Variants in MGAT4B observed in about 807,000 individuals in gnomAD.
The protein encoded by MGAT4B is N-acetylglucosaminyltransferase IVb.
A neutral mutation model predicts 73.9 loss-of-function variants in MGAT4B; 38 were observed. That is an observed-to-expected ratio of 0.51 (90% CI 0.40 to 0.67). The LOEUF is 0.67. Ranked by LOEUF, MGAT4B falls within the 30% of genes least tolerant of loss-of-function variation. The pLI is 0.00. For synonymous variants in MGAT4B, 373 were observed against 313.5 expected, an observed-to-expected ratio of 1.19 and a Z score of -2.01; for missense variants, 686 against 735.2, an observed-to-expected ratio of 0.93 and a Z score of 0.77.
Position 179,800,472 on chromosome 5 carries a change from A to G in MGAT4B, c.719+12T>C. On this transcript the variant is annotated intron_variant, in intron 6 of 14. Coordinates refer to ENST00000292591, the MANE Select transcript of MGAT4B (RefSeq NM_014275.5). ...AGGCGGGTTGCTGAGGGTATGGGGG[A>G]GTAACTAGTACCTGACTCTCTCCTT... 6.4e-7 allele frequency: 1 copy of G among 1,563,466 alleles called. No homozygotes were observed. Among genetic ancestry groups the G allele is most frequent in the South Asian group, 1.1e-5 (1 of 88,580 alleles).
chr5:179,801,199 T>C lies in MGAT4B; in HGVS notation c.558+135A>G, dbSNP rs1756909187. 1.1e-5 allele frequency: 15 copies of C among 1,343,468 alleles called. No individual in the cohort carries two copies. In the South Asian group the frequency reaches 1.7e-4, roughly 16 times the overall value. The allele number at this position is 1,343,468 out of a possible 1,614,324, so 83.2% of individuals were successfully genotyped here. ...GTGCCAGAAAGCCCTTTCAACTTTC[T>C]ATCTCGGAGCATTTGCGAATGAAAC... On this transcript the variant is annotated intron_variant, in intron 4 of 14. Coordinates refer to ENST00000292591, the MANE Select transcript of MGAT4B (RefSeq NM_014275.5). The surrounding 1 kb of genome is among the most constrained non-coding windows in gnomAD (Gnocchi z 4.8).
Position 179,801,578 on chromosome 5 carries a change from G to C in MGAT4B, c.400C>G (p.Arg134Gly), listed in dbSNP as rs750922550. ...AKESSLQPAV[R>G]VGQGRTGVSV... ...CCTCCGGTGCGGCCCTGGCCCACGC[G>C]CACCGCGGGCTGCAGACTGCTCTCC... Residue 134 changes from arginine (R) to glycine (G), a missense_variant, in exon 3 of 15, where the codon CGC becomes GGC. This residue lies in a region of MGAT4B where 237 missense variants were observed against 198.5 expected (regional missense o/e 1.19). Coordinates refer to ENST00000292591, the MANE Select transcript of MGAT4B (RefSeq NM_014275.5). This position sits in a 1 kb window ranked among gnomAD's most constrained non-coding sequence, Gnocchi z 4.8. 1.9e-6 allele frequency: 3 copies of C among 1,607,418 alleles called. No individual in the cohort carries two copies. The highest frequency in any genetic ancestry group is 2.5e-6 in the Non-Finnish European group (3 of 1,177,862).
intron 1 of MGAT4B, chr5:179,803,921 G>A (rs1757043812): frequency 6.6e-6 from 1 of 152,360 alleles, no homozygotes; most frequent in African/African-American, 2.4e-5. Context: ...GCCTCCCCAT[G>A]GGCCAGGCCC....
chr5:179,799,824 G>A, intron 8 of MGAT4B, 130 bp downstream of exon 8: 2 of 1,227,060 alleles, frequency 1.6e-6, no homozygotes, highest in Non-Finnish European at 2.4e-6. Flanking sequence ...AGGCCAGGTG[G>A]GGCTGTAGCA....
In MGAT4B at chr5:179,797,800, G is replaced by A. The variant is rs1487165199; in HGVS notation, c.*245C>T. The A allele has an allele frequency of 6.1e-6, 3 of 489,012 alleles. No homozygotes were observed. Among genetic ancestry groups the A allele is most frequent in the Non-Finnish European group, 1.1e-5 (3 of 279,550 alleles). The allele number at this position is 489,012 out of a possible 1,614,324, so 30.3% of individuals were successfully genotyped here. The stretch of plus-strand genomic sequence containing the variant: ...ACGGCCTGACTGGGGCAGGCCGGGT[G>A]CGAACGGTTCCGGGCCTCAGGCACA... On this transcript the variant is annotated 3_prime_UTR_variant, in exon 15 of 15. Transcript: ENST00000292591.
chr5:179,798,242 C>G lies in MGAT4B; in HGVS notation c.1546G>C (p.Asp516His). Residue 516 changes from aspartate (D) to histidine (H), a missense_variant, in exon 14 of 15, where the codon GAC (aspartate) becomes CAC (histidine). Around this residue, in one of 2 missense-constraint regions of MGAT4B, gnomAD observed 449 missense variants for 536.8 expected, o/e 0.84. Transcript: ENST00000292591. ...GCTTCCAGAGGGCCGAAGGCTGGGT[C>G]CACCTCTCCCTCTGCCACTCCCTTG... ...FYKGVAEGEVDPAFGPLEALR... is the reference protein window; with the variant it reads ...FYKGVAEGEVHPAFGPLEALR... 6.2e-7 allele frequency: 1 copy of G among 1,609,848 alleles called. No homozygotes were observed. The highest frequency in any genetic ancestry group is 8.5e-7 in the Non-Finnish European group (1 of 1,177,970).
chr5:179,798,348 G>A lies in MGAT4B; in HGVS notation c.1509C>T (p.Ile503=), dbSNP rs142783315. Residue 503 remains isoleucine (I), a splice_region_variant and synonymous_variant, in exon 13 of 15, where the codon ATC becomes ATT. Coordinates refer to ENST00000292591, the MANE Select transcript of MGAT4B (RefSeq NM_014275.5). The part of the protein sequence containing the change: ...YPRSPDGYLQ[I]GSFYKGVAEG... ...CGCTCTCCCCCAAACCCTACCCACC[G>A]ATCTGGAGGTAGCCGTCGGGGCTCC... 39 of 1,612,966 alleles carry A rather than the reference G, an allele frequency of 2.4e-5. No homozygotes were observed. The highest frequency in any genetic ancestry group is 2.7e-5 in the Non-Finnish European group (32 of 1,180,000).
rs772060257 is a variant in MGAT4B at position 179,799,149 on chromosome 5, G to A, written c.1150-28C>T. 2.5e-6 allele frequency: 4 copies of A among 1,613,974 alleles called. No homozygotes were observed. The South Asian group carries it at 3.3e-5, about 13-fold the overall frequency. On this transcript the variant is annotated intron_variant, in intron 10 of 14. Coordinates refer to ENST00000292591, the MANE Select transcript of MGAT4B (RefSeq NM_014275.5). ...GCAGCGGAGGAGGGACAGCAGTGAT[G>A]GCGTGGGCCCCGACCTTGATCCCGG... is the stretch of plus-strand genomic sequence containing the variant.
intron 13 of MGAT4B, 21 bp downstream of exon 13, chr5:179,798,326 T>C (rs1756742377): frequency 6.2e-7 from 1 of 1,612,854 alleles, no homozygotes; most frequent in Non-Finnish European, 8.5e-7. Flanking sequence ...CAGCCCACGC[T>C]CTCCCCCAAA....
chr5:179,803,017 C>T, intron 1 of MGAT4B: 1 of 985,512 alleles, frequency 1.0e-6, no homozygotes, highest in Non-Finnish European at 1.2e-6. Flanking sequence ...GATGGCCTCA[C>T]CCCACCAGCA....
intron 5 of MGAT4B, 56 bp downstream of exon 5, chr5:179,800,851 C>T: frequency 6.3e-7 from 1 of 1,588,220 alleles, no homozygotes; most frequent in East Asian, 2.2e-5. Flanking sequence ...CCTGCCAGCA[C>T]AACACCCCGC....
At chr5:179,802,711 G>A in intron 1 of MGAT4B, 1 of 986,322 alleles carries the variant, frequency 1.0e-6, no homozygotes, top group Non-Finnish European at 1.2e-6. Context: ...GAGGGCTGTA[G>A]GTGGATGGGG....
Position 179,797,887 on chromosome 5 carries a change from C to G in MGAT4B, c.*158G>C. The G allele has an allele frequency of 9.5e-7, 1 of 1,055,402 alleles. No homozygotes were observed. The highest frequency in any genetic ancestry group is 1.4e-6 in the Non-Finnish European group (1 of 733,946). The allele number at this position is 1,055,402 out of a possible 1,614,324, so 65.4% of individuals were successfully genotyped here. ...GCGGGGGCAGCACCAGCTCCTAGGGCCTCCGGGCCAGCGGCGGACCCCAGG... is the reference window on the plus strand; with the variant it reads ...GCGGGGGCAGCACCAGCTCCTAGGGGCTCCGGGCCAGCGGCGGACCCCAGG... On this transcript the variant is annotated 3_prime_UTR_variant, in exon 15 of 15. Coordinates refer to ENST00000292591, the MANE Select transcript of MGAT4B (RefSeq NM_014275.5).
At chr5:179,799,440 C>A (rs1756808682) in intron 9 of MGAT4B, 66 bp downstream of exon 9, 1 of 1,610,414 alleles carries the variant, frequency 6.2e-7, no homozygotes, top group African/African-American at 1.3e-5. Flanking sequence ...GACAGGGACA[C>A]AGTTTGGGGT....
rs1239090326 is a variant in MGAT4B at position 179,799,247 on chromosome 5, C to T, written c.1105G>A (p.Val369Met). Residue 369 changes from valine to methionine, a missense_variant, in exon 10 of 15, where the codon GTG (valine) becomes ATG (methionine). This residue lies in a region of MGAT4B where 449 missense variants were observed against 536.8 expected (regional missense o/e 0.84). Coordinates refer to ENST00000292591, the MANE Select transcript of MGAT4B (RefSeq NM_014275.5). ...CCAGCCAGCGAGGAGTGAGTGCCCACGTGCTGGAAGAGGGACGGTTTGAAG... is the reference window on the plus strand; with the variant it reads ...CCAGCCAGCGAGGAGTGAGTGCCCATGTGCTGGAAGAGGGACGGTTTGAAG... The part of the protein sequence containing the change: ...IRFKPSLFQH[V>M]GTHSSLAGKI... The T allele has an allele frequency of 8.1e-6, 13 of 1,613,904 alleles. No individual in the cohort carries two copies. The highest frequency in any genetic ancestry group is 4.5e-5 in the East Asian group (2 of 44,892).
chr5:179,806,157 A>G lies in MGAT4B; in HGVS notation c.97+330T>C, dbSNP rs772889806. ...CCTCACGCCGCCCCAGCTCCTGCCC[A>G]GGTGGCTGTGGCTGGCGTTCCGGGA... On this transcript the variant is annotated intron_variant, in intron 1 of 14. Transcript: ENST00000292591. This position sits in a 1 kb window ranked among gnomAD's most constrained non-coding sequence, Gnocchi z 4.6. 141 of 154,518 alleles carry G rather than the reference A, an allele frequency of 9.1e-4. No individual in the cohort carries two copies. Among genetic ancestry groups the G allele is most frequent in the Non-Finnish European group, 1.6e-3 (109 of 69,586 alleles). The allele number at this position is 154,518 out of a possible 1,614,324, so 9.6% of individuals were successfully genotyped here.
chr5:179,805,919 G>A (rs1290236802), intron 1 of MGAT4B, among the ~76,000 whole-genome samples: 1 of 152,158 alleles, frequency 6.6e-6, no homozygotes, highest in African/African-American at 2.4e-5. Context: ...GGGGTGCGGA[G>A]GACGGGCTGG....
At chr5:179,803,408 C>T (rs1757026154) in intron 1 of MGAT4B, 1 of 350,968 alleles carries the variant, frequency 2.8e-6, no homozygotes, top group Non-Finnish European at 4.0e-6. Flanking sequence ...ATCCCCAGGG[C>T]TCACCCATTG....
In MGAT4B at chr5:179,801,664, G is replaced by A; in HGVS notation, c.314C>T (p.Ser105Leu). 1 of 1,607,400 alleles carries A rather than the reference G, an allele frequency of 6.2e-7. No homozygotes were observed. Among genetic ancestry groups the A allele is most frequent in the Non-Finnish European group, 8.5e-7 (1 of 1,178,426 alleles). The part of the protein sequence containing the change: ...EDPRLKPWNG[S>L]HRHVLHLPTV... ...GGGCAGGTGCAGCACGTGCCGGTGT[G>A]AGCCGTTCCACGGCTTCAATCGGGG... Residue 105 changes from serine to leucine, a missense_variant, in exon 3 of 15, where the codon TCA becomes TTA. Ser to Leu is a moderately radical substitution (Grantham distance 145). This residue lies in a region of MGAT4B where 237 missense variants were observed against 198.5 expected (regional missense o/e 1.19). Coordinates refer to ENST00000292591, the MANE Select transcript of MGAT4B (RefSeq NM_014275.5). This position sits in a 1 kb window ranked among gnomAD's most constrained non-coding sequence, Gnocchi z 4.8.
Sources: allele counts gnomAD v4.1 joint callset (sites outside exome capture counted in the v4.1 genomes callset), GRCh38; gene constraint gnomAD v4.1.1; regional missense constraint gnomAD v4.1.1; non-coding constraint Gnocchi (gnomAD v3.1); transcripts MANE v1.5; gene names NCBI Gene and HGNC (gene_info 2026-07-23, HGNC 2026-07-21).